SYTL1: variants seen among roughly 807,000 people sequenced by gnomAD.
The protein encoded by SYTL1 is synaptotagmin-like protein 1.
A neutral mutation model predicts 74.6 loss-of-function variants in SYTL1; 53 were observed. That is an observed-to-expected ratio of 0.71 (90% confidence interval 0.57 to 0.89). The LOEUF is 0.89. SYTL1 is among the 40% of genes least tolerant of loss of function. SYTL1 has a pLI of 0.00. For missense variants in SYTL1, 728 were observed against 768.7 expected, an observed-to-expected ratio of 0.95 and a Z score of 0.63; for synonymous variants, 329 against 324.9, an observed-to-expected ratio of 1.01 and a Z score of -0.14.
chr1:27,350,716 G>A lies in SYTL1; in HGVS notation c.1006-78G>A. The A allele has an allele frequency of 1.3e-6, 2 of 1,542,478 alleles. No individual in the cohort carries two copies. The highest frequency in any genetic ancestry group is 1.8e-6 in the Non-Finnish European group (2 of 1,130,546). On this transcript the variant is annotated intron_variant, in intron 10 of 14. Coordinates refer to ENST00000616558, the MANE Select transcript of SYTL1 (RefSeq NM_001193308.2). This position sits in a 1 kb window ranked among gnomAD's most constrained non-coding sequence, Gnocchi z 6.3. The stretch of plus-strand genomic sequence containing the variant: ...TTCCATCATGGTAGGAACGCGGTAG[G>A]ACCTGCCTCAGCCAACTCGCGCAGC...
At position 27,347,548 on chromosome 1, in the gene SYTL1, C is replaced by A. The variant is rs200155577; in HGVS notation, c.319C>A (p.Arg107Ser). ...FGSDLVRASM[R>S]RKKSTRGDQA... ...CTCTGACCTTGTCCGAGCGTCTATG[C>A]GCAGGAAGAAGAGCACCAGGGGTGA... Residue 107 changes from arginine to serine, a missense_variant, in exon 3 of 15, where the codon CGC becomes AGC. Physicochemically the swap from Arg to Ser is moderately radical, Grantham distance 110. Coordinates refer to ENST00000616558, the MANE Select transcript of SYTL1 (RefSeq NM_001193308.2). The surrounding 1 kb of genome is among the most constrained non-coding windows in gnomAD (Gnocchi z 4.9). The A allele has an allele frequency of 2.5e-6, 4 of 1,613,874 alleles. No homozygotes were observed. The African/African-American group carries it at 4.0e-5, about 16-fold the overall frequency.
Position 27,353,293 on chromosome 1 carries a change from C to T in SYTL1, c.1354C>T (p.Pro452Ser). Residue 452 changes from proline to serine, a missense_variant, in exon 14 of 15, where the codon CCT becomes TCT. Coordinates refer to ENST00000616558, the MANE Select transcript of SYTL1 (RefSeq NM_001193308.2). The stretch of plus-strand genomic sequence containing the variant: ...CCACCTCCCGCACAGCTTCGTGCTG[C>T]CTGATGACAGCCAGGCCAGCCGCCA... ...LDTYVQCFVL[P>S]DDSQASRQRT... The T allele has an allele frequency of 1.3e-6, 2 of 1,593,948 alleles. No individual in the cohort carries two copies. The highest frequency in any genetic ancestry group is 1.7e-6 in the Non-Finnish European group (2 of 1,170,558).
rs41291090 is a variant in SYTL1 at position 27,349,209 on chromosome 1, C to G, written c.532+57C>G. 24,772 of 1,574,076 alleles carry G rather than the reference C, an allele frequency of 0.016. 216 individuals carry two copies. The highest frequency in any genetic ancestry group is 0.028 in the Middle Eastern group (166 of 5,864). On this transcript the variant is annotated intron_variant, in intron 6 of 14. Coordinates refer to ENST00000616558, the MANE Select transcript of SYTL1 (RefSeq NM_001193308.2). Reference sequence around the variant, plus strand: ...GAGGTTTCGCGGGTCAGAGGCAGCTCTAAGGGGCCCCAACCACCTGTGTTC... The same window carrying G: ...GAGGTTTCGCGGGTCAGAGGCAGCTGTAAGGGGCCCCAACCACCTGTGTTC...
Position 27,345,476 on chromosome 1 carries a change from G to C in SYTL1, c.142G>C (p.Val48Leu). Residue 48 changes from valine to leucine, a missense_variant, in exon 2 of 15, where the codon GTC (valine) becomes CTC (leucine). Val to Leu is a conservative substitution (Grantham distance 32). Coordinates refer to ENST00000616558, the MANE Select transcript of SYTL1 (RefSeq NM_001193308.2). The surrounding 1 kb of genome is among the most constrained non-coding windows in gnomAD (Gnocchi z 6.0). Reference sequence around the variant, plus strand: ...GGAGGAGCAGGAGGCCATTGCTGGCGTCCTCCAACGAGATGCCCGCCTGCG... The same window carrying C: ...GGAGGAGCAGGAGGCCATTGCTGGCCTCCTCCAACGAGATGCCCGCCTGCG... ...TEEEQEAIAG[V>L]LQRDARLRQL... is the part of the protein sequence containing the mutation. 1 of 1,560,362 alleles carries C rather than the reference G, an allele frequency of 6.4e-7. No individual in the cohort carries two copies. Among genetic ancestry groups the C allele is most frequent in the Non-Finnish European group, 8.7e-7 (1 of 1,151,486 alleles).
Position 27,351,609 on chromosome 1 carries a change from C to T in SYTL1, c.1343+54C>T, listed in dbSNP as rs1207271664. The T allele has an allele frequency of 9.4e-6, 11 of 1,164,470 alleles. No individual in the cohort carries two copies. The Middle Eastern group carries it at 8.1e-4, about 86-fold the overall frequency. The allele number at this position is 1,164,470 out of a possible 1,614,324, so 72.1% of individuals were successfully genotyped here. ...CATTCTTTTGCCTGCAGTGGAGTGC[C>T]CAACCTCCACAAACCCTTACTAATC... On this transcript the variant is annotated intron_variant, in intron 13 of 14. Transcript: ENST00000616558. The surrounding 1 kb of genome is among the most constrained non-coding windows in gnomAD (Gnocchi z 5.0).
chr1:27,344,533 G>A (rs1054224491), intron 1 of SYTL1, among the ~76,000 whole-genome samples: 8 of 148,120 alleles, frequency 5.4e-5, no homozygotes, highest in Non-Finnish European at 1.2e-4. Context: ...GAGCCACCGC[G>A]CCTGGCCACT....
At position 27,351,219 on chromosome 1, in the gene SYTL1, C is replaced by G; in HGVS notation, c.1165-39C>G. 1.3e-6 allele frequency: 2 copies of G among 1,547,852 alleles called. No individual in the cohort carries two copies. The highest frequency in any genetic ancestry group is 2.4e-5 in the East Asian group (1 of 40,966). On this transcript the variant is annotated intron_variant, in intron 11 of 14. Transcript: ENST00000616558. The surrounding 1 kb of genome is among the most constrained non-coding windows in gnomAD (Gnocchi z 5.0). ...GACCCCACCCTCCTGAGGCCCCTTT[C>G]CATTAGCCCCTGCTCCACGATAAGC...
In SYTL1 at chr1:27,348,565, G is replaced by C. The variant is rs918158158; in HGVS notation, c.460-515G>C. Among the ~76,000 whole-genome samples the C allele has an allele frequency of 6.6e-6, 1 of 152,010 alleles. No homozygotes were observed. Among genetic ancestry groups the C allele is most frequent in the Non-Finnish European group, 1.5e-5 (1 of 68,010 alleles). Reference sequence around the variant, plus strand: ...TCTACTAAAAATACAAAATTAGCTGGGCATGATGGTGCATAACCTGGAATC... The same window carrying C: ...TCTACTAAAAATACAAAATTAGCTGCGCATGATGGTGCATAACCTGGAATC... On this transcript the variant is annotated intron_variant, in intron 5 of 14. Coordinates refer to ENST00000616558, the MANE Select transcript of SYTL1 (RefSeq NM_001193308.2). The surrounding 1 kb of genome is among the most constrained non-coding windows in gnomAD (Gnocchi z 4.1).
At position 27,347,673 on chromosome 1, in the gene SYTL1, C is replaced by G; in HGVS notation, c.340+104C>G. 2 of 1,527,592 alleles carry G rather than the reference C, an allele frequency of 1.3e-6. No individual in the cohort carries two copies. Among genetic ancestry groups the G allele is most frequent in the Non-Finnish European group, 1.8e-6 (2 of 1,125,622 alleles). 94.6% of individuals were successfully genotyped at this position (1,527,592 alleles called of 1,614,324 possible). ...ACTAGGGCTCCAGTCCTGGCTGCCC[C>G]CAGTACTGTGTGTCTTTCAGTGGGC... is the stretch of plus-strand genomic sequence containing the variant. On this transcript the variant is annotated intron_variant, in intron 3 of 14. Coordinates refer to ENST00000616558, the MANE Select transcript of SYTL1 (RefSeq NM_001193308.2). The surrounding 1 kb of genome is among the most constrained non-coding windows in gnomAD (Gnocchi z 4.9).
At position 27,350,528 on chromosome 1, in the gene SYTL1, A is replaced by G. The variant is rs370792694; in HGVS notation, c.1005+43A>G. 79 of 1,526,608 alleles carry G rather than the reference A, an allele frequency of 5.2e-5. No individual in the cohort carries two copies. The highest frequency in any genetic ancestry group is 7.0e-5 in the Non-Finnish European group (78 of 1,108,922). The allele number at this position is 1,526,608 out of a possible 1,614,324, so 94.6% of individuals were successfully genotyped here. ...ATGCGGTTCCCCGTTAATGAACTGG[A>G]CGCCCCCTTCCTGCGGGGCTAGGTG... On this transcript the variant is annotated intron_variant, in intron 10 of 14. Coordinates refer to ENST00000616558, the MANE Select transcript of SYTL1 (RefSeq NM_001193308.2). This position sits in a 1 kb window ranked among gnomAD's most constrained non-coding sequence, Gnocchi z 6.3.
chr1:27,345,885 A>T lies in SYTL1; in HGVS notation c.191+360A>T, dbSNP rs1398458460. Among the ~76,000 whole-genome samples, 6 of 151,326 alleles carry T rather than the reference A, an allele frequency of 4.0e-5. No individual in the cohort carries two copies. The highest frequency in any genetic ancestry group is 7.4e-5 in the Non-Finnish European group (5 of 67,906). On this transcript the variant is annotated intron_variant, in intron 2 of 14. Coordinates refer to ENST00000616558, the MANE Select transcript of SYTL1 (RefSeq NM_001193308.2). This position sits in a 1 kb window ranked among gnomAD's most constrained non-coding sequence, Gnocchi z 6.0. ...ACCTCCACCCCTCCGGGTTCAAGCG[A>T]TTCTCCTGCCACAGCCTCCCAAATA...
rs2015059784 is a variant in SYTL1, at chr1:27,347,659, A to G, written c.340+90A>G. ...AGGGAGAGAGGACCACTAGGGCTCC[A>G]GTCCTGGCTGCCCCCAGTACTGTGT... On this transcript the variant is annotated intron_variant, in intron 3 of 14. Coordinates refer to ENST00000616558, the MANE Select transcript of SYTL1 (RefSeq NM_001193308.2). This position sits in a 1 kb window ranked among gnomAD's most constrained non-coding sequence, Gnocchi z 4.9. 6.9e-7 allele frequency: 1 copy of G among 1,440,352 alleles called. No homozygotes were observed. The highest frequency in any genetic ancestry group is 1.4e-5 in the African/African-American group (1 of 70,166). The allele number at this position is 1,440,352 out of a possible 1,614,324, so 89.2% of individuals were successfully genotyped here.
At position 27,345,619 on chromosome 1, in the gene SYTL1, C is replaced by G. The variant is rs148977765; in HGVS notation, c.191+94C>G. 544 of 901,020 alleles carry G rather than the reference C, an allele frequency of 6.0e-4. 3 individuals carry two copies. The African/African-American group carries it at 8.4e-3, about 14-fold the overall frequency. The allele number at this position is 901,020 out of a possible 1,614,324, so 55.8% of individuals were successfully genotyped here. A position where few individuals can be genotyped will look rare whatever the true frequency, so the allele number is the denominator to read the frequency against. The stretch of plus-strand genomic sequence containing the variant: ...GACACCACTGCCTGTCAGATGTCTG[C>G]GTGGTTCTTGGTTTTGCCCTTCAGT... On this transcript the variant is annotated intron_variant, in intron 2 of 14. Coordinates refer to ENST00000616558, the MANE Select transcript of SYTL1 (RefSeq NM_001193308.2). This position sits in a 1 kb window ranked among gnomAD's most constrained non-coding sequence, Gnocchi z 6.0.
At chr1:27,353,185 C>A in intron 13 of SYTL1, 98 bp from the exon 14 acceptor site, 3 of 1,251,730 alleles carry the variant, frequency 2.4e-6, no homozygotes, top group Non-Finnish European at 3.4e-6. Flanking sequence ...AGCCAGGGGA[C>A]ATGGACATAT....
In SYTL1 at chr1:27,348,453, C is replaced by T. The variant is rs1164488663; in HGVS notation, c.459+441C>T. 3.3e-5 allele frequency among the ~76,000 whole-genome samples: 5 copies of T among 151,874 alleles called. No homozygotes were observed. Among genetic ancestry groups the T allele is most frequent in the African/African-American group, 4.8e-5 (2 of 41,318 alleles). On this transcript the variant is annotated intron_variant, in intron 5 of 14. Coordinates refer to ENST00000616558, the MANE Select transcript of SYTL1 (RefSeq NM_001193308.2). The surrounding 1 kb of genome is among the most constrained non-coding windows in gnomAD (Gnocchi z 4.1). The stretch of plus-strand genomic sequence containing the variant: ...AAAAAAGGCCGGTCGTGGCAGCTCA[C>T]GCCTATAATCCCAGCACTTTGGGAA...
Position 27,343,647 on chromosome 1 carries a change from T to C in SYTL1, c.-39+1497T>C, listed in dbSNP as rs2014874295. ...CTGTCTGTCTAGGTGGGTGGTTGTA[T>C]GTGTGCATTCCCATGTGTGTGCAGG... On this transcript the variant is annotated intron_variant, in intron 1 of 14. Coordinates refer to ENST00000616558, the MANE Select transcript of SYTL1 (RefSeq NM_001193308.2). This position sits in a 1 kb window ranked among gnomAD's most constrained non-coding sequence, Gnocchi z 5.2. 6.6e-6 allele frequency among the ~76,000 whole-genome samples: 1 copy of C among 152,056 alleles called. No homozygotes were observed. The highest frequency in any genetic ancestry group is 2.4e-5 in the African/African-American group (1 of 41,410).
chr1:27,353,648 G>C, intron 14 of SYTL1, 65 bp from the exon 15 acceptor site: 1 of 1,581,368 alleles, frequency 6.3e-7, no homozygotes, highest in Admixed American at 1.7e-5. Context: ...GGACCAGGCA[G>C]GTGTTTGGGG....
Position 27,347,832 on chromosome 1 carries a change from G to C in SYTL1, c.365G>C (p.Arg122Thr). 6.2e-7 allele frequency: 1 copy of C among 1,613,796 alleles called. No individual in the cohort carries two copies. The highest frequency in any genetic ancestry group is 8.5e-7 in the Non-Finnish European group (1 of 1,179,788). ...GGAGACCAGGCTCCAGGCCACGACA[G>C]GGAGGCTGAGGCTGCTGTGAAAGAG... ...TRGDQAPGHD[R>T]EAEAAVKEKE... is the part of the protein sequence containing the mutation. Residue 122 changes from arginine (R) to threonine (T), a missense_variant, in exon 4 of 15, where the codon AGG becomes ACG. Physicochemically the swap from Arg to Thr is moderately conservative, Grantham distance 71. Transcript: ENST00000616558. This position sits in a 1 kb window ranked among gnomAD's most constrained non-coding sequence, Gnocchi z 4.9.
Position 27,349,408 on chromosome 1 carries a change from A to G in SYTL1, c.543A>G (p.Gln181=). ...EASQAQEDPG[Q]GDQQVCAEEA... ...CGTGCCCCACCCCAGATCCTGGCCA[A>G]GGAGACCAACAGGTCTGTGCCGAGG... The change falls in exon 7 of 15, where the codon CAA becomes CAG. Residue 181 remains glutamine, a synonymous_variant. Transcript: ENST00000616558. The G allele has an allele frequency of 6.9e-7, 1 of 1,447,186 alleles. No homozygotes were observed. Among genetic ancestry groups the G allele is most frequent in the Non-Finnish European group, 9.1e-7 (1 of 1,097,842 alleles). The allele number at this position is 1,447,186 out of a possible 1,614,324, so 89.6% of individuals were successfully genotyped here. A position where few individuals can be genotyped will look rare whatever the true frequency, so the allele number is the denominator to read the frequency against.
Sources: gnomAD v4.1 joint callset for allele counts (sites outside exome capture counted in the v4.1 genomes callset) on GRCh38, gnomAD v4.1.1 for gene constraint, Gnocchi (gnomAD v3.1) non-coding constraint, MANE v1.5 for transcripts, NCBI Gene and HGNC (gene_info 2026-07-23, HGNC 2026-07-21) for gene names.